Variants in TEX13D observed in about 807,000 individuals in gnomAD.
TEX13D encodes the protein TEX13 family member D, also known as testis-expressed protein 13D.
For missense variants in TEX13D, 261 were observed against 265.8 expected (o/e 0.98, Z 0.12); for synonymous variants, 115 against 104.5 (o/e 1.10, Z -0.61).
Position 124,332,999 on chromosome X carries a change from G to T in TEX13D, c.82G>T (p.Asp28Tyr). 2 of 471,957 alleles carry T rather than the reference G, an allele frequency of 4.2e-6. No individual in the cohort carries two copies. Among genetic ancestry groups the T allele is most frequent in the Non-Finnish European group, 3.8e-6 (1 of 266,510 alleles). The allele number at this position is 471,957 out of a possible 1,213,427, so 38.9% of individuals were successfully genotyped here. The change falls in exon 1 of 1, where the codon GAC becomes TAC. Residue 28 changes from aspartate (D) to tyrosine (Y), a missense_variant. Physicochemically the swap from Asp to Tyr is radical, Grantham distance 160 (BLOSUM62 -3). Transcript: ENST00000632372. ...GTTCATTAACAATGAAGTCCTCATGGACGGCAGCGGCCCAGCCTTTTACGT... is the reference window on the plus strand; with the variant it reads ...GTTCATTAACAATGAAGTCCTCATGTACGGCAGCGGCCCAGCCTTTTACGT... The part of the protein sequence containing the change: ...IRFINNEVLM[D>Y]GSGPAFYVAF...
Position 124,333,283 on chromosome X carries a change from A to G in TEX13D, c.366A>G (p.Ala122=). ...TGCGCCTGGAGCATGAGGTGGCGGC[A>G]ACACAGCTGCACCTCGCGCAGGCTG... is the stretch of plus-strand genomic sequence containing the variant. The part of the protein sequence containing the change: ...QQLRLEHEVA[A]TQLHLAQAAL... The change falls in exon 1 of 1, where the codon GCA becomes GCG. Residue 122 remains alanine (A), a synonymous_variant. Coordinates refer to ENST00000632372, the MANE Select transcript of TEX13D (RefSeq NM_001355534.2). 2.3e-6 allele frequency: 1 copy of G among 438,201 alleles called. No individual in the cohort carries two copies. The allele number at this position is 438,201 out of a possible 1,213,427, so 36.1% of individuals were successfully genotyped here. A position where few individuals can be genotyped will look rare whatever the true frequency, so the allele number is the denominator to read the frequency against.
In TEX13D at chrX:124,334,756, G is replaced by C. The variant is rs1430244572; in HGVS notation, c.1839G>C (p.Leu613=). 3.2e-6 allele frequency: 3 copies of C among 935,949 alleles called. No homozygotes were observed. In the African/African-American group the frequency reaches 6.2e-5, roughly 19 times the overall value. The allele number at this position is 935,949 out of a possible 1,213,427, so 77.1% of individuals were successfully genotyped here. A position where few individuals can be genotyped will look rare whatever the true frequency, so the allele number is the denominator to read the frequency against. The part of the protein sequence containing the change: ...SRERAQGMAT[L]VFSRSCKPEE... ...AGAGGGCCCAGGGGATGGCCACCCT[G>C]GTGTTTAGCAGGAGCTGCAAACCAG... Residue 613 remains leucine (L), a synonymous_variant, in exon 1 of 1, where the codon CTG becomes CTC. Transcript: ENST00000632372.
chrX:124,333,009 G>A lies in TEX13D; in HGVS notation c.92G>A (p.Gly31Asp), dbSNP rs1444978082. Reference sequence around the variant, plus strand: ...AATGAAGTCCTCATGGACGGCAGCGGCCCAGCCTTTTACGTGGCCTTCCGC... The same window carrying A: ...AATGAAGTCCTCATGGACGGCAGCGACCCAGCCTTTTACGTGGCCTTCCGC... ...INNEVLMDGS[G>D]PAFYVAFRSR... The change falls in exon 1 of 1, where the codon GGC becomes GAC. Residue 31 changes from glycine (G) to aspartate (D), a missense_variant. Coordinates refer to ENST00000632372, the MANE Select transcript of TEX13D (RefSeq NM_001355534.2). The A allele has an allele frequency of 1.5e-5, 7 of 481,056 alleles. No homozygotes were observed. Among genetic ancestry groups the A allele is most frequent in the Non-Finnish European group, 2.6e-5 (7 of 271,341 alleles). 39.6% of individuals were successfully genotyped at this position (481,056 alleles called of 1,213,427 possible). A position where few individuals can be genotyped will look rare whatever the true frequency, so the allele number is the denominator to read the frequency against.
chrX:124,332,846 C>A lies in TEX13D; in HGVS notation c.-72C>A. On this transcript the variant is annotated 5_prime_UTR_variant, in exon 1 of 1. Transcript: ENST00000632372. ...GGGTGGACTGGTTGTCGGCAGCAGC[C>A]GGTACCGGAAGTGGCGGCAGCAGCT... 2.9e-6 allele frequency: 1 copy of A among 343,927 alleles called. No homozygotes were observed. The highest frequency in any genetic ancestry group is 5.0e-6 in the Non-Finnish European group (1 of 199,309). The allele number at this position is 343,927 out of a possible 1,213,427, so 28.3% of individuals were successfully genotyped here. A position where few individuals can be genotyped will look rare whatever the true frequency, so the allele number is the denominator to read the frequency against.
Position 124,335,222 on chromosome X carries a change from A to G in TEX13D, c.*160A>G, listed in dbSNP as rs1054027117. ...AATTTATTATCCCATTACCCAAATTAGCCATTTTAAAAGTTGTTTTGGATA... is the reference window on the plus strand; with the variant it reads ...AATTTATTATCCCATTACCCAAATTGGCCATTTTAAAAGTTGTTTTGGATA... On this transcript the variant is annotated 3_prime_UTR_variant, in exon 1 of 1. Transcript: ENST00000632372. 1.1e-4 allele frequency: 39 copies of G among 360,639 alleles called. No individual in the cohort carries two copies. Among genetic ancestry groups the G allele is most frequent in the Non-Finnish European group, 3.9e-5 (9 of 231,852 alleles). 29.7% of individuals were successfully genotyped at this position (360,639 alleles called of 1,213,427 possible).
In TEX13D at chrX:124,335,033, C is replaced by A; in HGVS notation, c.2116C>A (p.Pro706Thr). 1 of 937,826 alleles carries A rather than the reference C, an allele frequency of 1.1e-6. No homozygotes were observed. Among genetic ancestry groups the A allele is most frequent in the Non-Finnish European group, 1.3e-6 (1 of 756,028 alleles). The allele number at this position is 937,826 out of a possible 1,213,427, so 77.3% of individuals were successfully genotyped here. ...CTATAAATGCAAGAAAGCCTGTGTGCCATTTGAGAGTGGAGGACAAACTCA... is the reference window on the plus strand; with the variant it reads ...CTATAAATGCAAGAAAGCCTGTGTGACATTTGAGAGTGGAGGACAAACTCA... ...ACYKCKKACV[P>T]FESGGQTQ Residue 706 changes from proline to threonine, a missense_variant, in exon 1 of 1, where the codon CCA becomes ACA. Physicochemically the swap from Pro to Thr is conservative, Grantham distance 38 (BLOSUM62 -1). Coordinates refer to ENST00000632372, the MANE Select transcript of TEX13D (RefSeq NM_001355534.2).
rs1158523421 is a variant in TEX13D, at chrX:124,333,668, G to A, written c.751G>A (p.Ala251Thr). The A allele has an allele frequency of 6.7e-6, 2 of 297,559 alleles. No individual in the cohort carries two copies. The highest frequency in any genetic ancestry group is 1.2e-5 in the Non-Finnish European group (2 of 170,518). 24.5% of individuals were successfully genotyped at this position (297,559 alleles called of 1,213,427 possible). Reference sequence around the variant, plus strand: ...TCTACCACCTGCTGTAGTCACGGGGGCAGAAGCAGCAGCAGTCCCACTTCA... The same window carrying A: ...TCTACCACCTGCTGTAGTCACGGGGACAGAAGCAGCAGCAGTCCCACTTCA... Reference protein sequence around the residue: ...PPLPPAVVTGAEAAAVPLQMP... With the variant: ...PPLPPAVVTGTEAAAVPLQMP... Residue 251 changes from alanine to threonine, a missense_variant, in exon 1 of 1, where the codon GCA becomes ACA. Transcript: ENST00000632372.
Position 124,334,171 on chromosome X carries a change from AG to A in TEX13D, c.1255del (p.Asp419IlefsTer242). 1 of 936,209 alleles carries A rather than the reference AG, an allele frequency of 1.1e-6. No individual in the cohort carries two copies. The highest frequency in any genetic ancestry group is 5.9e-5 in the South Asian group (1 of 16,905). 77.2% of individuals were successfully genotyped at this position (936,209 alleles called of 1,213,427 possible). A position where few individuals can be genotyped will look rare whatever the true frequency, so the allele number is the denominator to read the frequency against. On this transcript the variant is annotated frameshift_variant, in exon 1 of 1. Transcript: ENST00000632372. LOFTEE classifies it low-confidence loss of function (END_TRUNC). Reference sequence around the variant, plus strand: ...GAAGCTACAGCCAGGAAGGATGTTCAGATAGGGCCCAGGAGATGGCCACCCT... The same window carrying A: ...GAAGCTACAGCCAGGAAGGATGTTCAATAGGGCCCAGGAGATGGCCACCCT... ...SRSYSQEGCS[D>X]RAQEMATLVF...
Position 124,333,298 on chromosome X carries a change from C to G in TEX13D, c.381C>G (p.Leu127=). Residue 127 remains leucine (L), a synonymous_variant, in exon 1 of 1, where the codon CTC becomes CTG. Transcript: ENST00000632372. ...AGGTGGCGGCAACACAGCTGCACCTCGCGCAGGCTGCCCTGCAGCAGGCGC... is the reference window on the plus strand; with the variant it reads ...AGGTGGCGGCAACACAGCTGCACCTGGCGCAGGCTGCCCTGCAGCAGGCGC... ...EHEVAATQLH[L]AQAALQQALN... 1 of 420,810 alleles carries G rather than the reference C, an allele frequency of 2.4e-6. No individual in the cohort carries two copies. The highest frequency in any genetic ancestry group is 4.1e-6 in the Non-Finnish European group (1 of 244,280). 34.7% of individuals were successfully genotyped at this position (420,810 alleles called of 1,213,427 possible).
At position 124,335,860 on chromosome X, in the gene TEX13D, T is replaced by C. The variant is rs1348839512; in HGVS notation, c.*798T>C. On this transcript the variant is annotated 3_prime_UTR_variant, in exon 1 of 1. Coordinates refer to ENST00000632372, the MANE Select transcript of TEX13D (RefSeq NM_001355534.2). The stretch of plus-strand genomic sequence containing the variant: ...CATTGGGGGAAAAGGAAGAGCAGAA[T>C]TGTTTTGTTAGAATTGAATTTTTCC... 2.7e-5 allele frequency: 3 copies of C among 112,121 alleles called. No homozygotes were observed. Among genetic ancestry groups the C allele is most frequent in the Non-Finnish European group, 3.8e-5 (2 of 53,213 alleles). The allele number at this position is 112,121 out of a possible 1,213,427, so 9.2% of individuals were successfully genotyped here. A position where few individuals can be genotyped will look rare whatever the true frequency, so the allele number is the denominator to read the frequency against.
rs181190185 is a variant in TEX13D, at chrX:124,334,064, A to T, written c.1147A>T (p.Met383Leu). 452 of 933,998 alleles carry T rather than the reference A, an allele frequency of 4.8e-4. No homozygotes were observed. Among genetic ancestry groups the T allele is most frequent in the Non-Finnish European group, 5.3e-4 (400 of 755,103 alleles). The allele number at this position is 933,998 out of a possible 1,213,427, so 77.0% of individuals were successfully genotyped here. ...AGAAGGTCCAAAGAGGGCCCGGAGG[A>T]TGCACACCCTGGTGTTTCGCAGGAG... The part of the protein sequence containing the change: ...QKEGPKRARR[M>L]HTLVFRRSHK... The change falls in exon 1 of 1, where the codon ATG becomes TTG. Residue 383 changes from methionine to leucine, a missense_variant. Coordinates refer to ENST00000632372, the MANE Select transcript of TEX13D (RefSeq NM_001355534.2).
In TEX13D at chrX:124,334,269, G is replaced by A; in HGVS notation, c.1352G>A (p.Arg451Lys). 2 of 933,175 alleles carry A rather than the reference G, an allele frequency of 2.1e-6. No individual in the cohort carries two copies. Among genetic ancestry groups the A allele is most frequent in the Non-Finnish European group, 2.7e-6 (2 of 754,270 alleles). 76.9% of individuals were successfully genotyped at this position (933,175 alleles called of 1,213,427 possible). The change falls in exon 1 of 1, where the codon AGA becomes AAA. Residue 451 changes from arginine (R) to lysine (K), a missense_variant. Coordinates refer to ENST00000632372, the MANE Select transcript of TEX13D (RefSeq NM_001355534.2). ...TGGACTGTCCCCCTGGGGGACAGCA[G>A]AAGTCATATCAAGGAAGAAGGCCCA... ...PQWTVPLGDS[R>K]SHIKEEGPEG...
Position 124,332,853 on chromosome X carries a change from G to A in TEX13D, c.-65G>A, listed in dbSNP as rs1051280497. On this transcript the variant is annotated 5_prime_UTR_variant, in exon 1 of 1. Coordinates refer to ENST00000632372, the MANE Select transcript of TEX13D (RefSeq NM_001355534.2). ...CTGGTTGTCGGCAGCAGCCGGTACC[G>A]GAAGTGGCGGCAGCAGCTGAGGCGA... 8 of 341,565 alleles carry A rather than the reference G, an allele frequency of 2.3e-5. No individual in the cohort carries two copies. The highest frequency in any genetic ancestry group is 1.7e-4 in the Admixed American group (3 of 17,562). The allele number at this position is 341,565 out of a possible 1,213,427, so 28.1% of individuals were successfully genotyped here. A position where few individuals can be genotyped will look rare whatever the true frequency, so the allele number is the denominator to read the frequency against.
In TEX13D at chrX:124,332,858, TGGC is replaced by T; in HGVS notation, c.-56_-54del. 1 of 342,532 alleles carries T rather than the reference TGGC, an allele frequency of 2.9e-6. No homozygotes were observed. Among genetic ancestry groups the T allele is most frequent in the Non-Finnish European group, 5.0e-6 (1 of 198,333 alleles). The allele number at this position is 342,532 out of a possible 1,213,427, so 28.2% of individuals were successfully genotyped here. ...TGTCGGCAGCAGCCGGTACCGGAAG[TGGC>T]GGCAGCAGCTGAGGCGACGCACCGT... On this transcript the variant is annotated 5_prime_UTR_variant, in exon 1 of 1. Coordinates refer to ENST00000632372, the MANE Select transcript of TEX13D (RefSeq NM_001355534.2).
At position 124,333,192 on chromosome X, in the gene TEX13D, G is replaced by A. The variant is rs1013521904; in HGVS notation, c.275G>A (p.Arg92Gln). 1.9e-5 allele frequency: 9 copies of A among 466,607 alleles called. 1 individual carries two copies. Among genetic ancestry groups the A allele is most frequent in the African/African-American group, 1.4e-4 (6 of 41,382 alleles). The allele number at this position is 466,607 out of a possible 1,213,427, so 38.5% of individuals were successfully genotyped here. The change falls in exon 1 of 1, where the codon CGG becomes CAG. Residue 92 changes from arginine to glutamine, a missense_variant. Coordinates refer to ENST00000632372, the MANE Select transcript of TEX13D (RefSeq NM_001355534.2). ...QREELLHHVR[R>Q]LQRHAEERQA... Reference sequence around the variant, plus strand: ...GAGGAGCTGCTGCACCACGTTCGGCGGCTGCAAAGGCATGCGGAGGAGCGC... The same window carrying A: ...GAGGAGCTGCTGCACCACGTTCGGCAGCTGCAAAGGCATGCGGAGGAGCGC...
rs971703490 is a variant in TEX13D at position 124,336,609 on chromosome X, T to C, written c.*1547T>C. ...GGACTAATTGGGTTAAAAATAAAAC[T>C]GGACAGGGGCGAGCACTCTTGGGAA... On this transcript the variant is annotated 3_prime_UTR_variant, in exon 1 of 1. Transcript: ENST00000632372. 1.2e-4 allele frequency: 13 copies of C among 111,702 alleles called. No individual in the cohort carries two copies. The highest frequency in any genetic ancestry group is 3.8e-5 in the Non-Finnish European group (2 of 53,116). The allele number at this position is 111,702 out of a possible 1,213,427, so 9.2% of individuals were successfully genotyped here.
In TEX13D at chrX:124,333,469, C is replaced by T; in HGVS notation, c.552C>T (p.Ser184=). ...GTCCCCTGGCTACAGAGCAGCAGAG[C>T]GATATGGTGGCCATGGGGACACATG... ...AACPLATEQQ[S]DMVAMGTHAN... Residue 184 remains serine (S), a synonymous_variant, in exon 1 of 1, where the codon AGC becomes AGT. Coordinates refer to ENST00000632372, the MANE Select transcript of TEX13D (RefSeq NM_001355534.2). 3.2e-6 allele frequency: 1 copy of T among 310,977 alleles called. No homozygotes were observed. Among genetic ancestry groups the T allele is most frequent in the Non-Finnish European group, 5.6e-6 (1 of 179,831 alleles). The allele number at this position is 310,977 out of a possible 1,213,427, so 25.6% of individuals were successfully genotyped here.
Position 124,335,045 on chromosome X carries a change from G to C in TEX13D, c.2128G>C (p.Gly710Arg), listed in dbSNP as rs1447483941. The C allele has an allele frequency of 2.1e-6, 2 of 936,477 alleles. No individual in the cohort carries two copies. Among genetic ancestry groups the C allele is most frequent in the African/African-American group, 4.1e-5 (2 of 48,886 alleles). 77.2% of individuals were successfully genotyped at this position (936,477 alleles called of 1,213,427 possible). Residue 710 changes from glycine (G) to arginine (R), a missense_variant, in exon 1 of 1, where the codon GGA (glycine) becomes CGA (arginine). Physicochemically the swap from Gly to Arg is moderately radical, Grantham distance 125. Transcript: ENST00000632372. ...GAAAGCCTGTGTGCCATTTGAGAGT[G>C]GAGGACAAACTCAGTGATTTCAGGA... ...CKKACVPFES[G>R]GQTQ
chrX:124,333,163 GC>G lies in TEX13D; in HGVS notation c.247del (p.Arg83GlyfsTer25). 2.2e-6 allele frequency: 1 copy of G among 454,658 alleles called. No individual in the cohort carries two copies. The highest frequency in any genetic ancestry group is 3.3e-5 in the South Asian group (1 of 30,604). The allele number at this position is 454,658 out of a possible 1,213,427, so 37.5% of individuals were successfully genotyped here. ...ALSVRVATRQREELLHHVRRL... is the reference protein window; with the variant it reads ...ALSVRVATRQXEELLHHVRRL... ...TGAGCGTGCGAGTGGCCACGAGGCA[GC>G]GGGAGGAGCTGCTGCACCACGTTCG... is the stretch of plus-strand genomic sequence containing the variant. On this transcript the variant is annotated frameshift_variant, in exon 1 of 1. Transcript: ENST00000632372. LOFTEE classifies it low-confidence loss of function (END_TRUNC).
Sources: gnomAD v4.1 joint callset for allele counts on GRCh38, gnomAD v4.1.1 for gene constraint, MANE v1.5 for transcripts, NCBI Gene and HGNC (gene_info 2026-07-23, HGNC 2026-07-21) for gene names.